The following NMNAT3 variants were observed in gnomAD, a reference collection of about 807,000 sequenced individuals.
The protein encoded by NMNAT3 is nicotinamide/nicotinic acid mononucleotide adenylyltransferase 3.
In NMNAT3, 21 loss-of-function variants were observed where a neutral mutation model predicts 24.8. The observed-to-expected ratio is 0.85, with a 90% confidence interval of 0.60 to 1.22. The LOEUF is 1.22. NMNAT3 is among the 50% of genes most tolerant of loss of function. The pLI is 0.00. For missense variants in NMNAT3, 387 were observed against 436.6 expected (o/e 0.89, Z 1.01); for synonymous variants, 136 against 155.2 (o/e 0.88, Z 0.92).
intron 1 of NMNAT3, among the ~76,000 whole-genome samples, chr3:139,643,298 G>A (rs532846541): frequency 6.6e-6 from 1 of 152,192 alleles, no homozygotes; most frequent in East Asian, 1.9e-4. Context: ...ATAGAAAACA[G>A]TATGGAGGTT....
At chr3:139,569,033 G>A (rs1937626564) in intron 6 of NMNAT3, 2 of 152,250 alleles carry the variant, frequency 1.3e-5, no homozygotes, top group Admixed American at 1.3e-4. Flanking sequence ...CTCCTGTATT[G>A]GGTGCATATA....
chr3:139,668,683 G>A (rs779023997), intron 1 of NMNAT3, among the ~76,000 whole-genome samples: 2 of 152,190 alleles, frequency 1.3e-5, no homozygotes, highest in Non-Finnish European at 2.9e-5. Context: ...AAGTACAAAG[G>A]TATGTAAGAG....
chr3:139,561,096 T>A lies in NMNAT3; in HGVS notation c.955A>T (p.Thr319Ser). The A allele has an allele frequency of 6.2e-7, 1 of 1,614,108 alleles. No homozygotes were observed. The highest frequency in any genetic ancestry group is 8.5e-7 in the Non-Finnish European group (1 of 1,180,030). Residue 319 changes from threonine (T) to serine (S), a missense_variant, in exon 7 of 7, where the codon ACG becomes TCG. Thr to Ser is a moderately conservative substitution (Grantham distance 58). Around this residue, in one of 3 missense-constraint regions of NMNAT3, gnomAD observed 323 missense variants for 345.2 expected, o/e 0.94. Coordinates refer to ENST00000643695, the MANE Select transcript of NMNAT3 (RefSeq NM_001320510.2). ...TAGAGGCCATGGTCCTTGATGTACG[T>A]GATGACAGCATCGGGAATCAGGTAC...
intron 3 of NMNAT3, among the ~76,000 whole-genome samples, chr3:139,596,540 G>A (rs919077354): frequency 6.6e-6 from 1 of 151,764 alleles, no homozygotes; most frequent in African/African-American, 2.4e-5. Context: ...ATAGAGTCAT[G>A]TTCCATTATG....
chr3:139,618,381 G>T (rs2055607864), intron 3 of NMNAT3, among the ~76,000 whole-genome samples: 1 of 152,182 alleles, frequency 6.6e-6, no homozygotes, highest in African/African-American at 2.4e-5. Context: ...TAGTGTCTCT[G>T]TCAGCTTTTA....
At chr3:139,578,798 A>G in intron 5 of NMNAT3, 74 bp downstream of exon 5, 1 of 1,373,548 alleles carries the variant, frequency 7.3e-7, no homozygotes, top group Non-Finnish European at 9.9e-7. Context: ...AATCTGCCCT[A>G]CCTTTTACCC....
At chr3:139,592,249 T>C (rs1209255192) in intron 3 of NMNAT3, among the ~76,000 whole-genome samples, 1 of 151,958 alleles carries the variant, frequency 6.6e-6, no homozygotes, top group Non-Finnish European at 1.5e-5. Flanking sequence ...TGAAATGAAG[T>C]GAGAAGGGAA....
intron 1 of NMNAT3, among the ~76,000 whole-genome samples, chr3:139,673,815 C>T (rs561987578): frequency 8.6e-5 from 13 of 152,016 alleles, no homozygotes; most frequent in East Asian, 1.9e-4. Flanking sequence ...AGAGAAACAA[C>T]GTGCCAGGCA....
At chr3:139,648,184 G>C (rs918867581) in intron 1 of NMNAT3, among the ~76,000 whole-genome samples, 6 of 152,160 alleles carry the variant, frequency 3.9e-5, no homozygotes, top group Non-Finnish European at 7.3e-5. Context: ...CACAAGATCT[G>C]ATCATTTAAA....
At chr3:139,586,017 G>T (rs1228085573) in intron 3 of NMNAT3, among the ~76,000 whole-genome samples, 1 of 152,200 alleles carries the variant, frequency 6.6e-6, no homozygotes, top group African/African-American at 2.4e-5. Flanking sequence ...GTGCTCAACA[G>T]GGCACCAGTG....
intron 5 of NMNAT3, among the ~76,000 whole-genome samples, chr3:139,578,461 A>G (rs1332888842): frequency 6.6e-6 from 1 of 152,200 alleles, no homozygotes; most frequent in East Asian, 1.9e-4. Flanking sequence ...ATTATTATGT[A>G]GTTCTGGGTC....
intron 2 of NMNAT3, among the ~76,000 whole-genome samples, chr3:139,629,924 C>T (rs2056224700): frequency 6.6e-6 from 1 of 152,210 alleles, no homozygotes; most frequent in South Asian, 2.1e-4. Flanking sequence ...TGCTAGGTAC[C>T]TATATCAGTT....
chr3:139,611,305 A>G (rs1036952199), intron 3 of NMNAT3, among the ~76,000 whole-genome samples: 1 of 152,176 alleles, frequency 6.6e-6, no homozygotes, highest in African/African-American at 2.4e-5. Context: ...GTTGGGGCCC[A>G]CTCAGGATGC....
rs763082315 is a variant in NMNAT3, at chr3:139,662,388, C to T, written c.-141+15317G>A. 8.5e-5 allele frequency among the ~76,000 whole-genome samples: 13 copies of T among 152,248 alleles called. No homozygotes were observed. In the Middle Eastern group the frequency reaches 0.01, roughly 120 times the overall value. ...TGTAATATGGGGGAGAAAGACCTGC[C>T]TCAGAGGGCTGTTATGAAGATTAAA... On this transcript the variant is annotated intron_variant, in intron 1 of 6. Coordinates refer to ENST00000643695, the MANE Select transcript of NMNAT3 (RefSeq NM_001320510.2).
At chr3:139,563,410 C>A (rs1485378882) in intron 6 of NMNAT3, among the ~76,000 whole-genome samples, 6 of 152,200 alleles carry the variant, frequency 3.9e-5, no homozygotes, top group African/African-American at 1.4e-4. Flanking sequence ...GGGACACACC[C>A]CCTCTCTTCC....
intron 3 of NMNAT3, among the ~76,000 whole-genome samples, chr3:139,598,641 C>T (rs367928885): frequency 4.3e-4 from 66 of 152,228 alleles, no homozygotes; most frequent in African/African-American, 1.6e-3. Context: ...GGACAAGCCA[C>T]CCAGTTGTGC....
At chr3:139,676,102 C>T (rs533945215) in intron 1 of NMNAT3, among the ~76,000 whole-genome samples, 27 of 152,320 alleles carry the variant, frequency 1.8e-4, no homozygotes, top group African/African-American at 6.5e-4. Context: ...CCTCTTCCCT[C>T]CAACACCCTC....
chr3:139,605,073 G>A (rs148111803), intron 3 of NMNAT3, among the ~76,000 whole-genome samples: 79 of 152,206 alleles, frequency 5.2e-4, no homozygotes, highest in African/African-American at 1.7e-3. Flanking sequence ...TTCTTAGTGC[G>A]TCTCAAGAAA....
chr3:139,631,470 C>A (rs964881757), intron 2 of NMNAT3, among the ~76,000 whole-genome samples: 1 of 152,008 alleles, frequency 6.6e-6, no homozygotes, highest in South Asian at 2.1e-4. Context: ...TGAGACGGAG[C>A]AAGTGAGGGA....
Sources: allele counts gnomAD v4.1 joint callset (sites outside exome capture counted in the v4.1 genomes callset), GRCh38; gene constraint gnomAD v4.1.1; regional missense constraint gnomAD v4.1.1; transcripts MANE v1.5; gene names NCBI Gene and HGNC (gene_info 2026-07-23, HGNC 2026-07-21).